Variants in CPQ observed in about 807,000 individuals in gnomAD.
CPQ encodes carboxypeptidase Q, also known as Ser-Met dipeptidase.
Under a neutral mutation model 45.7 loss-of-function variants are expected in CPQ, and 37 were observed. The ratio of observed to expected loss-of-function variants is 0.81; its 90% CI spans 0.62 to 1.07. CPQ has a LOEUF of 1.07. Among genes scored for constraint, CPQ ranks in the 50% least tolerant of loss-of-function variants. CPQ has a pLI of 0.00. For synonymous variants in CPQ, 186 were observed against 205.8 expected (o/e 0.90, Z 0.82); for missense variants, 537 against 572.9 (o/e 0.94, Z 0.64).
chr8:96,658,906 C>T (rs1393739159), intron 1 of CPQ, among the ~76,000 whole-genome samples: 2 of 152,142 alleles, frequency 1.3e-5, no homozygotes, highest in South Asian at 2.1e-4. Flanking sequence ...CTTGCTTTTA[C>T]GTGATGCATA....
intron 4 of CPQ, among the ~76,000 whole-genome samples, chr8:96,951,722 C>T (rs1173041266): frequency 6.6e-6 from 1 of 152,058 alleles, no homozygotes; most frequent in Non-Finnish European, 1.5e-5. Flanking sequence ...AAATAATGTG[C>T]TTTTGATTGA....
intron 3 of CPQ, among the ~76,000 whole-genome samples, chr8:96,855,667 G>C (rs1003965758): frequency 1.3e-5 from 2 of 152,232 alleles, no homozygotes; most frequent in Non-Finnish European, 2.9e-5. Context: ...AATAGTGACT[G>C]TGAATAACAA....
chr8:96,820,153 A>G (rs781330785), intron 2 of CPQ, among the ~76,000 whole-genome samples: 1 of 152,004 alleles, frequency 6.6e-6, no homozygotes, highest in Non-Finnish European at 1.5e-5. Context: ...CTTCATTTTC[A>G]ACATTGTCTT....
intron 7 of CPQ, among the ~76,000 whole-genome samples, chr8:97,129,585 G>A (rs572612459): frequency 6.6e-6 from 1 of 152,054 alleles, no homozygotes; most frequent in African/African-American, 2.4e-5. Flanking sequence ...GAAACAAAAA[G>A]TAGGAATGCT....
intron 1 of CPQ, among the ~76,000 whole-genome samples, chr8:96,771,167 A>G (rs1810539402): frequency 6.7e-6 from 1 of 149,206 alleles, no homozygotes. Context: ...TTATATTTTA[A>G]TGTTTAAACT....
chr8:96,742,805 T>C (rs1427995482), intron 1 of CPQ, among the ~76,000 whole-genome samples: 11 of 152,156 alleles, frequency 7.2e-5, no homozygotes, highest in South Asian at 4.1e-4. Flanking sequence ...ATATTGGCCC[T>C]CACTCTCTTC....
chr8:96,739,672 C>A (rs1810052362), intron 1 of CPQ, among the ~76,000 whole-genome samples: 1 of 148,480 alleles, frequency 6.7e-6, no homozygotes, highest in Non-Finnish European at 1.5e-5. Flanking sequence ...TTTCAGCTTT[C>A]TACATATGGC....
intron 3 of CPQ, among the ~76,000 whole-genome samples, chr8:96,854,851 G>A (rs553482220): frequency 6.6e-6 from 1 of 152,246 alleles, no homozygotes; most frequent in East Asian, 1.9e-4. Flanking sequence ...AGGAAGAGTT[G>A]ACGTTTTACT....
At chr8:96,701,714 T>G (rs1356215761) in intron 1 of CPQ, among the ~76,000 whole-genome samples, 1 of 152,200 alleles carries the variant, frequency 6.6e-6, no homozygotes, top group Non-Finnish European at 1.5e-5. Flanking sequence ...CTTGGCCATG[T>G]GAATGCGTTC....
chr8:96,965,696 A>ATATT (rs1813544834), intron 4 of CPQ, among the ~76,000 whole-genome samples: 2 of 152,326 alleles, frequency 1.3e-5, no homozygotes, highest in South Asian at 4.1e-4. Flanking sequence ...AGTCAAAATT[A>ATATT]TATTAATAAA....
chr8:97,017,660 G>A (rs539724803), intron 5 of CPQ, among the ~76,000 whole-genome samples: 1 of 152,110 alleles, frequency 6.6e-6, no homozygotes, highest in South Asian at 2.1e-4. Flanking sequence ...CTGACAACCT[G>A]CATTACACAG....
rs376543974 is a variant in CPQ at position 96,966,029 on chromosome 8, C to A, written c.944C>A (p.Ser315Ter). ...GGAFISWEAL[S>*]LIKDLGLRPK... ...GCCTTTATATCATGGGAAGCACTCT[C>A]ACTTATTAAAGATCTTGGTAAATAT... is the stretch of plus-strand genomic sequence containing the variant. Residue 315 changes from serine to a stop codon, truncating the protein, a stop_gained, in exon 5 of 8, where the codon TCA becomes TAA. Coordinates refer to ENST00000220763, the MANE Select transcript of CPQ (RefSeq NM_016134.4). LOFTEE classifies it high-confidence loss of function. The A allele has an allele frequency of 6.6e-5, 107 of 1,611,564 alleles. No homozygotes were observed. The highest frequency in any genetic ancestry group is 8.9e-5 in the Non-Finnish European group (105 of 1,178,620).
At chr8:96,649,406 A>G (rs1376755746) in intron 1 of CPQ, among the ~76,000 whole-genome samples, 1 of 152,246 alleles carries the variant, frequency 6.6e-6, no homozygotes, top group East Asian at 1.9e-4. Context: ...CAGGAAAATG[A>G]AGATGCTATT....
chr8:96,850,584 TTTTATTTA>T (rs199730159), intron 3 of CPQ, among the ~76,000 whole-genome samples: 6,218 of 136,584 alleles, frequency 0.046, 155 homozygotes, highest in Middle Eastern at 0.06. Context: ...TTTTATTTTA[TTTTATTTA>T]TTTATTTATT....
chr8:96,899,676 G>T (rs1235833671), intron 4 of CPQ, among the ~76,000 whole-genome samples: 3 of 146,414 alleles, frequency 2.0e-5, no homozygotes, highest in Non-Finnish European at 4.7e-5. Context: ...CTATTGCAAA[G>T]GCAGCACCAA....
At chr8:96,874,776 A>T (rs1015969912) in intron 3 of CPQ, among the ~76,000 whole-genome samples, 1 of 152,026 alleles carries the variant, frequency 6.6e-6, no homozygotes, top group Non-Finnish European at 1.5e-5. Flanking sequence ...TTGACTATTA[A>T]AAATAATGCT....
chr8:96,922,503 G>A (rs968611365), intron 4 of CPQ, among the ~76,000 whole-genome samples: 1 of 152,138 alleles, frequency 6.6e-6, no homozygotes, highest in Admixed American at 6.6e-5. Flanking sequence ...TGTGAATTCC[G>A]TGTACTCAGC....
rs150519325 is a variant in CPQ, at chr8:96,696,807, T to C, written c.-35+51405T>C. Among the ~76,000 whole-genome samples the C allele has an allele frequency of 3.0e-4, 45 of 152,010 alleles. 1 individual carries two copies. The East Asian group carries it at 5.8e-3, about 20-fold the overall frequency. On this transcript the variant is annotated intron_variant, in intron 1 of 7. Coordinates refer to ENST00000220763, the MANE Select transcript of CPQ (RefSeq NM_016134.4). The stretch of plus-strand genomic sequence containing the variant: ...ATTCTAGATACAAACAACCACAAGA[T>C]TGAACTATGGAGGAATCCAAAACTT...
chr8:96,828,555 C>T (rs1026055117), intron 2 of CPQ, among the ~76,000 whole-genome samples: 2 of 152,000 alleles, frequency 1.3e-5, no homozygotes, highest in African/African-American at 4.8e-5. Flanking sequence ...GGCAACTCAC[C>T]TCCATATCCC....
Sources: allele counts gnomAD v4.1 joint callset (sites outside exome capture counted in the v4.1 genomes callset), GRCh38; gene constraint gnomAD v4.1.1; transcripts MANE v1.5; gene names NCBI Gene and HGNC (gene_info 2026-07-23, HGNC 2026-07-21).